Variants in CNTNAP2 observed in about 807,000 individuals in gnomAD.
CNTNAP2 encodes the protein contactin associated protein 2, also known as contactin-associated protein-like 2.
CNTNAP2 carries 98 observed loss-of-function variants against 155.2 expected under a neutral mutation model. That is an observed-to-expected ratio of 0.63 (90% CI 0.54 to 0.75). The LOEUF is 0.75. CNTNAP2 is among the 30% of genes least tolerant of loss of function. CNTNAP2 has a pLI of 0.00. For synonymous variants in CNTNAP2, 651 were observed against 631.2 expected, an observed-to-expected ratio of 1.03 and a Z score of -0.47; for missense variants, 1,727 against 1,688.1, an observed-to-expected ratio of 1.02 and a Z score of -0.40.
chr7:146,775,631 G>A (rs1563225940), intron 2 of CNTNAP2, among the ~76,000 whole-genome samples: 1 of 149,498 alleles, frequency 6.7e-6, no homozygotes, highest in African/African-American at 2.5e-5. Flanking sequence ...AGGAAACAAA[G>A]ATGAAAAAAG....
In CNTNAP2 at chr7:147,897,635, G is replaced by T. The variant is rs369149562; in HGVS notation, c.2099-5930G>T. 1.8e-3 allele frequency among the ~76,000 whole-genome samples: 272 copies of T among 152,300 alleles called. 1 individual carries two copies. Among genetic ancestry groups the T allele is most frequent in the African/African-American group, 6.2e-3 (259 of 41,564 alleles). ...CAAAGGCATTTCATGAGGTCAAAAT[G>T]GAACCATCTACCTTTGTCCTCTCTC... is the stretch of plus-strand genomic sequence containing the variant. On this transcript the variant is annotated intron_variant, in intron 13 of 23. Coordinates refer to ENST00000361727, the MANE Select transcript of CNTNAP2 (RefSeq NM_014141.6).
At chr7:146,442,592 A>G (rs1459410977) in intron 1 of CNTNAP2, among the ~76,000 whole-genome samples, 4 of 152,304 alleles carry the variant, frequency 2.6e-5, no homozygotes, top group Non-Finnish European at 5.9e-5. Flanking sequence ...AAAGAGCCTG[A>G]TGCCCCACTA....
At chr7:146,654,005 A>G (rs1799956752) in intron 1 of CNTNAP2, among the ~76,000 whole-genome samples, 1 of 152,090 alleles carries the variant, frequency 6.6e-6, no homozygotes, top group South Asian at 2.1e-4. Flanking sequence ...ATCCCAGAAC[A>G]GTTCTTTGTA....
intron 18 of CNTNAP2, among the ~76,000 whole-genome samples, chr7:148,202,429 G>A (rs1370128388): frequency 2.0e-5 from 3 of 152,174 alleles, no homozygotes; most frequent in African/African-American, 7.2e-5. Context: ...CTCATTTGAG[G>A]TTGATTTTAT....
At chr7:148,049,289 G>A (rs2116491762) in intron 15 of CNTNAP2, among the ~76,000 whole-genome samples, 1 of 152,254 alleles carries the variant, frequency 6.6e-6, no homozygotes, top group South Asian at 2.1e-4. Context: ...TTCACCTTTT[G>A]AACTTTCAAA....
intron 1 of CNTNAP2, among the ~76,000 whole-genome samples, chr7:146,707,024 T>C (rs574432089): frequency 6.6e-6 from 1 of 152,286 alleles, no homozygotes; most frequent in South Asian, 2.1e-4. Flanking sequence ...AAATGCACTT[T>C]GGCAGTGAAA....
chr7:146,143,475 A>G (rs1797910011), intron 1 of CNTNAP2, among the ~76,000 whole-genome samples: 1 of 152,068 alleles, frequency 6.6e-6, no homozygotes, highest in Admixed American at 6.6e-5. Flanking sequence ...CCAGAAAATT[A>G]TGTCCAGTCT....
chr7:147,726,184 C>T lies in CNTNAP2; in HGVS notation c.2098+86878C>T, dbSNP rs79983835. ...TAAGTTCCAGAGATCTCCTGTACAA[C>T]GTGATACCTATAGTGAACAGTAAAG... On this transcript the variant is annotated intron_variant, in intron 13 of 23. Coordinates refer to ENST00000361727, the MANE Select transcript of CNTNAP2 (RefSeq NM_014141.6). Among the ~76,000 whole-genome samples the T allele has an allele frequency of 1.9e-3, 288 of 151,984 alleles. 1 individual carries two copies. The highest frequency in any genetic ancestry group is 6.6e-3 in the African/African-American group (273 of 41,504).
chr7:147,614,308 A>G (rs1024038006), intron 12 of CNTNAP2, among the ~76,000 whole-genome samples: 1 of 152,146 alleles, frequency 6.6e-6, no homozygotes, highest in Admixed American at 6.5e-5. Flanking sequence ...ATACTAAGTT[A>G]TTGATTCTTC....
At chr7:148,127,167 T>C (rs1434881704) in intron 16 of CNTNAP2, among the ~76,000 whole-genome samples, 3 of 152,082 alleles carry the variant, frequency 2.0e-5, no homozygotes, top group East Asian at 1.9e-4. Flanking sequence ...TAGCTGGGCG[T>C]GGTGGCACAC....
At chr7:148,058,800 C>T (rs527952233) in intron 15 of CNTNAP2, among the ~76,000 whole-genome samples, 36 of 152,166 alleles carry the variant, frequency 2.4e-4, no homozygotes, top group African/African-American at 8.0e-4. Flanking sequence ...TTGTTTTTAG[C>T]GTTGTATGCC....
chr7:147,705,758 A>G (rs931548705), intron 13 of CNTNAP2, among the ~76,000 whole-genome samples: 3 of 152,142 alleles, frequency 2.0e-5, no homozygotes, highest in African/African-American at 7.2e-5. Context: ...ATGTGTTTAG[A>G]ATTTTTATAT....
At chr7:146,304,006 C>A (rs902220781) in intron 1 of CNTNAP2, among the ~76,000 whole-genome samples, 11 of 151,530 alleles carry the variant, frequency 7.3e-5, no homozygotes, top group African/African-American at 1.2e-4. Context: ...GAATTGATCC[C>A]TTTACCATTA....
At chr7:147,441,554 G>C (rs1244199362) in intron 10 of CNTNAP2, among the ~76,000 whole-genome samples, 1 of 152,030 alleles carries the variant, frequency 6.6e-6, no homozygotes, top group Non-Finnish European at 1.5e-5. Flanking sequence ...GAGGAATTAG[G>C]TATTTATTGT....
At chr7:147,179,854 T>C (rs1802419217) in intron 8 of CNTNAP2, among the ~76,000 whole-genome samples, 1 of 151,868 alleles carries the variant, frequency 6.6e-6, no homozygotes. Context: ...GTAAGTGATC[T>C]TGAGGACAAG....
At chr7:146,480,677 T>A (rs866884210) in intron 1 of CNTNAP2, among the ~76,000 whole-genome samples, 5,078 of 109,668 alleles carry the variant, frequency 0.046, 148 homozygotes, top group African/African-American at 0.12. Flanking sequence ...TATATATATT[T>A]TTTTTTTTCC....
chr7:146,235,136 T>C (rs1284213890), intron 1 of CNTNAP2, among the ~76,000 whole-genome samples: 1 of 152,126 alleles, frequency 6.6e-6, no homozygotes, highest in Non-Finnish European at 1.5e-5. Flanking sequence ...AAAATACATC[T>C]TAAGATATCA....
intron 3 of CNTNAP2, among the ~76,000 whole-genome samples, chr7:146,849,912 G>A (rs572610045): frequency 1.3e-5 from 2 of 152,084 alleles, no homozygotes; most frequent in East Asian, 3.9e-4. Context: ...ACAAAAGCCC[G>A]GGTCATCTTG....
rs187684367 is a variant in CNTNAP2 at position 146,760,044 on chromosome 7, T to G, written c.98-14227T>G. 3.0e-3 allele frequency among the ~76,000 whole-genome samples: 464 copies of G among 152,326 alleles called. 2 individuals are homozygous for G. Among genetic ancestry groups the G allele is most frequent in the African/African-American group, 0.011 (446 of 41,574 alleles). ...CTTTCTGTTTTCTAGTTAAGCAAAC[T>G]TTATTGCTTTCACCAATGAGTTACA... On this transcript the variant is annotated intron_variant, in intron 1 of 23. Transcript: ENST00000361727.
Sources: allele counts gnomAD v4.1 joint callset (sites outside exome capture counted in the v4.1 genomes callset), GRCh38; gene constraint gnomAD v4.1.1; transcripts MANE v1.5; gene names NCBI Gene and HGNC (gene_info 2026-07-23, HGNC 2026-07-21).